Variants in SNX7 observed in about 807,000 individuals in gnomAD.
SNX7 encodes sorting nexin-7.
A neutral mutation model predicts 48.4 loss-of-function variants in SNX7; 35 were observed. That is an observed-to-expected ratio of 0.72 (90% CI 0.55 to 0.96). SNX7 has a LOEUF of 0.96. SNX7 is among the 40% of genes least tolerant of loss of function. The pLI is 0.00. For synonymous variants in SNX7, 190 were observed against 190.2 expected (o/e 1.00, Z 0.01); for missense variants, 553 against 548.9 (o/e 1.01, Z -0.07).
chr1:98,687,499 T>C (rs934789584), intron 2 of SNX7, among the ~76,000 whole-genome samples: 1 of 152,146 alleles, frequency 6.6e-6, no homozygotes, highest in Admixed American at 6.5e-5. Flanking sequence ...TTTCTTATTA[T>C]CATTTACTTA....
chr1:98,695,396 A>G, intron 4 of SNX7, 122 bp from the exon 5 acceptor site: 2 of 867,030 alleles, frequency 2.3e-6, no homozygotes, highest in Non-Finnish European at 3.6e-6. Flanking sequence ...AACATTAAAA[A>G]AGATTGATGC....
chr1:98,691,501 T>C (rs1240261922), intron 3 of SNX7, 34 bp from the exon 4 acceptor site: 3 of 1,525,344 alleles, frequency 2.0e-6, no homozygotes, highest in Non-Finnish European at 2.6e-6. Context: ...TGGCTAATAA[T>C]ACTTGAATAC....
At chr1:98,742,947 A>G (rs969380591) in intron 8 of SNX7, among the ~76,000 whole-genome samples, 1 of 152,010 alleles carries the variant, frequency 6.6e-6, no homozygotes, top group Admixed American at 6.6e-5. Context: ...TTTTCTTATG[A>G]TACATCATAC....
At chr1:98,692,839 C>T (rs990293429) in intron 4 of SNX7, among the ~76,000 whole-genome samples, 5 of 152,098 alleles carry the variant, frequency 3.3e-5, no homozygotes, top group Admixed American at 6.5e-5. Flanking sequence ...TATGTGCATA[C>T]GTTTTGATAA....
chr1:98,747,725 G>A (rs1244458225), intron 8 of SNX7, among the ~76,000 whole-genome samples: 1 of 152,086 alleles, frequency 6.6e-6, no homozygotes, highest in Non-Finnish European at 1.5e-5. Context: ...GTAAAACACA[G>A]TCAATGGTAG....
chr1:98,754,537 G>C (rs1654750101), intron 8 of SNX7, among the ~76,000 whole-genome samples: 1 of 151,994 alleles, frequency 6.6e-6, no homozygotes, highest in Non-Finnish European at 1.5e-5. Context: ...TTCTTCTGTG[G>C]TGAATTTTGG....
Position 98,691,096 on chromosome 1 carries a change from T to C in SNX7, c.385T>C (p.Ser129Pro), listed in dbSNP as rs141982462. Residue 129 changes from serine to proline, a missense_variant, in exon 3 of 9, where the codon TCC becomes CCC. By Grantham distance (74) the Ser-to-Pro change is moderately conservative. Coordinates refer to ENST00000306121, the MANE Select transcript of SNX7 (RefSeq NM_015976.5). ...ITKTSRGEFD[S>P]SEFEVRRRYQ... is the part of the protein sequence containing the mutation. ...TCAGACATCTCGTGGGGAATTTGAC[T>C]CCAGTGAATTTGAAGTTAGGAGACG... is the stretch of plus-strand genomic sequence containing the variant. 5 of 1,607,258 alleles carry C rather than the reference T, an allele frequency of 3.1e-6. No homozygotes were observed. The highest frequency in any genetic ancestry group is 2.7e-5 in the African/African-American group (2 of 74,554).
intron 8 of SNX7, among the ~76,000 whole-genome samples, chr1:98,751,437 C>T (rs1178545665): frequency 6.6e-6 from 1 of 151,894 alleles, no homozygotes; most frequent in Non-Finnish European, 1.5e-5. Context: ...TGTGTAGAAA[C>T]AAAAAGGCTT....
At chr1:98,710,219 T>C (rs949985863) in intron 7 of SNX7, among the ~76,000 whole-genome samples, 7 of 152,130 alleles carry the variant, frequency 4.6e-5, no homozygotes, top group Non-Finnish European at 1.5e-5. Flanking sequence ...CCAATGAAAT[T>C]TGCTTAGGGA....
intron 7 of SNX7, among the ~76,000 whole-genome samples, chr1:98,727,088 T>C (rs1332385178): frequency 6.6e-6 from 1 of 152,120 alleles, no homozygotes; most frequent in African/African-American, 2.4e-5. Context: ...CGGGCACCTG[T>C]AGTCTCAGCT....
intron 8 of SNX7, among the ~76,000 whole-genome samples, chr1:98,738,883 G>T (rs181601741): frequency 1.4e-4 from 16 of 112,488 alleles, no homozygotes; most frequent in Non-Finnish European, 2.1e-4. Context: ...TTTTCTCAGA[G>T]AAGTTTTTTT....
intron 7 of SNX7, among the ~76,000 whole-genome samples, chr1:98,704,563 A>C (rs1220038259): frequency 6.6e-6 from 1 of 152,176 alleles, no homozygotes; most frequent in Non-Finnish European, 1.5e-5. Flanking sequence ...TCACAGAAAG[A>C]CTGAAAGGAA....
At chr1:98,683,177 G>C (rs1029529325) in intron 1 of SNX7, among the ~76,000 whole-genome samples, 1 of 152,040 alleles carries the variant, frequency 6.6e-6, no homozygotes, top group Non-Finnish European at 1.5e-5. Flanking sequence ...CTAATCTTCT[G>C]TTTTGGTTTG....
chr1:98,667,955 A>G (rs986934122), intron 1 of SNX7, among the ~76,000 whole-genome samples: 1 of 152,068 alleles, frequency 6.6e-6, no homozygotes, highest in Non-Finnish European at 1.5e-5. Context: ...AAAAAACAAT[A>G]AAACAAAATA....
chr1:98,661,417 C>A (rs958852630), upstream of SNX7, among the ~76,000 whole-genome samples: 3 of 152,096 alleles, frequency 2.0e-5, no homozygotes, highest in Non-Finnish European at 4.4e-5. Flanking sequence ...CTCGGTGGCC[C>A]CCGACTGGGT....
At chr1:98,711,937 T>A (rs1212824444) in intron 7 of SNX7, among the ~76,000 whole-genome samples, 1 of 152,182 alleles carries the variant, frequency 6.6e-6, no homozygotes, top group Non-Finnish European at 1.5e-5. Flanking sequence ...ATTTTAAGAA[T>A]ACTCACAGCA....
chr1:98,666,758 T>C lies in SNX7; in HGVS notation c.180+4847T>C, dbSNP rs998144917. On this transcript the variant is annotated intron_variant, in intron 1 of 8. Transcript: ENST00000306121. ...CTATAGGATATGGTGGAAGTGATGC[T>C]GTGCAACTTCCCAGGCTAGATCATG... Among the ~76,000 whole-genome samples the C allele has an allele frequency of 2.6e-5, 4 of 152,168 alleles. No homozygotes were observed. In the East Asian group the frequency reaches 7.7e-4, roughly 29 times the overall value.
Position 98,760,110 on chromosome 1 carries a change from A to G in SNX7, c.1335A>G (p.Glu445=). 6.2e-7 allele frequency: 1 copy of G among 1,609,362 alleles called. No homozygotes were observed. Among genetic ancestry groups the G allele is most frequent in the Non-Finnish European group, 8.5e-7 (1 of 1,176,130 alleles). The change falls in exon 9 of 9, where the codon GAA becomes GAG. Residue 445 remains glutamate (E), a synonymous_variant. Coordinates refer to ENST00000306121, the MANE Select transcript of SNX7 (RefSeq NM_015976.5). Reference sequence around the variant, plus strand: ...CACAGACCAACCTTCACTTGGAAGAAGCCTCTGAAGATAAACCTTAATCCC... The same window carrying G: ...CACAGACCAACCTTCACTTGGAAGAGGCCTCTGAAGATAAACCTTAATCCC... The part of the protein sequence containing the change: ...LTSQTNLHLE[E]ASEDKP
chr1:98,757,741 GATT>G (rs1654923359), intron 8 of SNX7, among the ~76,000 whole-genome samples: 1 of 151,732 alleles, frequency 6.6e-6, no homozygotes, highest in African/African-American at 2.4e-5. Flanking sequence ...TTGATTGATT[GATT>G]GATTGATTGA....
Sources: gnomAD v4.1 joint callset for allele counts (sites outside exome capture counted in the v4.1 genomes callset) on GRCh38, gnomAD v4.1.1 for gene constraint, MANE v1.5 for transcripts, NCBI Gene and HGNC (gene_info 2026-07-23, HGNC 2026-07-21) for gene names.